PTPRG: variants seen among roughly 807,000 people sequenced by gnomAD.
PTPRG encodes receptor-type tyrosine-protein phosphatase gamma.
Under a neutral mutation model 165.3 loss-of-function variants are expected in PTPRG, and 102 were observed. The observed-to-expected ratio is 0.62, with a 90% CI of 0.53 to 0.73. The LOEUF (loss-of-function observed/expected upper bound fraction) is 0.73, where lower values mean the gene tolerates loss of function less well. Ranked by LOEUF, PTPRG falls within the 30% of genes least tolerant of loss-of-function variation. PTPRG has a pLI of 0.00. For missense variants in PTPRG, 1,866 were observed against 1,861.4 expected (o/e 1.00, Z -0.05); for synonymous variants, 675 against 669.5 (o/e 1.01, Z -0.13).
intron 4 of PTPRG, among the ~76,000 whole-genome samples, chr3:62,031,215 A>G (rs1022860605): frequency 6.6e-6 from 1 of 152,230 alleles, no homozygotes; most frequent in Non-Finnish European, 1.5e-5. Flanking sequence ...TTGTAATACA[A>G]CAGGTGACCT....
At chr3:61,879,463 TTC>T in intron 2 of PTPRG, among the ~76,000 whole-genome samples, 1 of 152,298 alleles carries the variant, frequency 6.6e-6, no homozygotes, top group Non-Finnish European at 1.5e-5. Flanking sequence ...AAATATTTTA[TTC>T]TTTTTGATTT....
At chr3:62,033,125 ACT>A (rs1193813892) in intron 4 of PTPRG, among the ~76,000 whole-genome samples, 1 of 151,602 alleles carries the variant, frequency 6.6e-6, no homozygotes, top group Admixed American at 6.6e-5. Flanking sequence ...ATCTGGAAAT[ACT>A]CTTTCCCCTT....
chr3:61,944,495 G>A (rs933905708), intron 2 of PTPRG, among the ~76,000 whole-genome samples: 3 of 152,152 alleles, frequency 2.0e-5, no homozygotes, highest in Non-Finnish European at 4.4e-5. Flanking sequence ...CTGGGGATTA[G>A]ATGAAGGTGA....
chr3:61,975,787 A>C (rs1338107250), intron 2 of PTPRG, among the ~76,000 whole-genome samples: 4 of 152,154 alleles, frequency 2.6e-5, no homozygotes, highest in Non-Finnish European at 5.9e-5. Context: ...AATTATAATA[A>C]TTCCTGTGGT....
At chr3:62,116,111 C>A (rs1475766323) in intron 5 of PTPRG, among the ~76,000 whole-genome samples, 1 of 152,132 alleles carries the variant, frequency 6.6e-6, no homozygotes, top group Non-Finnish European at 1.5e-5. Flanking sequence ...GGTTAAGTTA[C>A]TTGCCCAAAG....
At chr3:61,903,389 T>G (rs2038549323) in intron 2 of PTPRG, among the ~76,000 whole-genome samples, 1 of 152,154 alleles carries the variant, frequency 6.6e-6, no homozygotes, top group African/African-American at 2.4e-5. Context: ...ATTTTTAGTT[T>G]TTGAGACGGA....
At chr3:62,098,796 C>T (rs1412157241) in intron 5 of PTPRG, among the ~76,000 whole-genome samples, 1 of 152,172 alleles carries the variant, frequency 6.6e-6, no homozygotes, top group African/African-American at 2.4e-5. Flanking sequence ...AGAAAGCTAG[C>T]AGAGTCTGGT....
At chr3:62,027,010 G>C (rs1013576907) in intron 4 of PTPRG, among the ~76,000 whole-genome samples, 2 of 151,844 alleles carry the variant, frequency 1.3e-5, no homozygotes, top group Non-Finnish European at 2.9e-5. Context: ...ATTATTGTCT[G>C]CTCTTCCTAT....
At chr3:61,855,985 C>T (rs75475270) in intron 2 of PTPRG, among the ~76,000 whole-genome samples, 5,579 of 152,140 alleles carry the variant, frequency 0.037, 150 homozygotes, top group Non-Finnish European at 0.059. Flanking sequence ...TTTACTTCTT[C>T]CTATTTCCAG....
intron 4 of PTPRG, among the ~76,000 whole-genome samples, chr3:62,058,989 G>A (rs190852099): frequency 4.9e-4 from 74 of 152,258 alleles, no homozygotes; most frequent in Admixed American, 9.2e-4. Flanking sequence ...GTAGGCAGAC[G>A]GGAATGATCA....
In PTPRG at chr3:61,950,804, T is replaced by C. The variant is rs1377828142; in HGVS notation, c.191-38821T>C. Reference sequence around the variant, plus strand: ...TTTTTTGATCTTTATGTTTAAATTATTAATGTAAAGTCAAAACTGGGAAGA... The same window carrying C: ...TTTTTTGATCTTTATGTTTAAATTACTAATGTAAAGTCAAAACTGGGAAGA... On this transcript the variant is annotated intron_variant, in intron 2 of 29. Transcript: ENST00000474889. Among the ~76,000 whole-genome samples the C allele has an allele frequency of 4.6e-5, 7 of 152,368 alleles. No homozygotes were observed. In the East Asian group the frequency reaches 1.3e-3, roughly 29 times the overall value.
At chr3:61,807,894 A>G (rs2035462928) in intron 2 of PTPRG, among the ~76,000 whole-genome samples, 1 of 152,088 alleles carries the variant, frequency 6.6e-6, no homozygotes, top group Non-Finnish European at 1.5e-5. Context: ...CATATTTTTG[A>G]TCTTCTGCAG....
chr3:61,580,301 A>G (rs1319732222), intron 1 of PTPRG, among the ~76,000 whole-genome samples: 1 of 151,996 alleles, frequency 6.6e-6, no homozygotes, highest in African/African-American at 2.4e-5. Flanking sequence ...AAAAACAAAC[A>G]ACAGTTATAC....
intron 1 of PTPRG, among the ~76,000 whole-genome samples, chr3:61,699,401 A>G (rs1310428131): frequency 6.6e-6 from 1 of 152,180 alleles, no homozygotes; most frequent in Non-Finnish European, 1.5e-5. Flanking sequence ...TTGTCTCCTG[A>G]AAACTCCCTT....
At chr3:61,952,502 T>C (rs2039924235) in intron 2 of PTPRG, among the ~76,000 whole-genome samples, 1 of 152,188 alleles carries the variant, frequency 6.6e-6, no homozygotes, top group Admixed American at 6.5e-5. Flanking sequence ...AACTTCATAA[T>C]GGCTAAAATT....
chr3:62,175,648 T>A (rs1380799075), intron 8 of PTPRG, among the ~76,000 whole-genome samples: 1 of 152,210 alleles, frequency 6.6e-6, no homozygotes, highest in Non-Finnish European at 1.5e-5. Flanking sequence ...CAAGGGATGG[T>A]CCCTCATCAT....
chr3:62,097,683 A>G (rs992979354), intron 5 of PTPRG, among the ~76,000 whole-genome samples: 1 of 152,238 alleles, frequency 6.6e-6, no homozygotes, highest in African/African-American at 2.4e-5. Flanking sequence ...AAATAGAACA[A>G]AGTGTGCATT....
intron 2 of PTPRG, among the ~76,000 whole-genome samples, chr3:61,755,997 TGAAAA>T (rs762255134): frequency 1.2e-4 from 18 of 152,034 alleles, no homozygotes; most frequent in Non-Finnish European, 2.4e-4. Context: ...GATTTGAGAA[TGAAAA>T]GAAAAGAGCT....
chr3:61,741,171 C>A (rs1344242175), intron 1 of PTPRG, among the ~76,000 whole-genome samples: 1 of 152,168 alleles, frequency 6.6e-6, no homozygotes, highest in African/African-American at 2.4e-5. Flanking sequence ...AAATTGTGCT[C>A]AATGGAGATT....
Sources: allele counts gnomAD v4.1 joint callset (sites outside exome capture counted in the v4.1 genomes callset), GRCh38; gene constraint gnomAD v4.1.1; transcripts MANE v1.5; gene names NCBI Gene and HGNC (gene_info 2026-07-23, HGNC 2026-07-21).